Variants in GNAO1 observed in about 807,000 individuals in gnomAD.
GNAO1 encodes the protein G protein subunit alpha o1, also known as guanine nucleotide-binding protein G(o) subunit alpha.
For missense variants in GNAO1, 166 were observed against 478.7 expected (o/e 0.35, Z 6.10); for synonymous variants, 164 against 180.7 (o/e 0.91, Z 0.74).
chr16:56,347,959 C>G (rs1239634393), intron 6 of GNAO1: 10 of 972,182 alleles, frequency 1.0e-5, no homozygotes, highest in African/African-American at 3.5e-5. Flanking sequence ...CACGCACCCC[C>G]CTCCCCCATC....
Position 56,273,915 on chromosome 16 carries a change from C to T in GNAO1, c.162-2016C>T, listed in dbSNP as rs568468374. Among the ~76,000 whole-genome samples, 11 of 152,288 alleles carry T rather than the reference C, an allele frequency of 7.2e-5. No homozygotes were observed. In the South Asian group the frequency reaches 2.3e-3, roughly 32 times the overall value. On this transcript the variant is annotated intron_variant, in intron 2 of 8. Transcript: ENST00000262493. ...ACTGATAAGCTCCCTGATGCTTGTT[C>T]TTTCTTTAGTAATTGTTCCTTGACC...
At chr16:56,341,267 G>T (rs1185662620) in intron 6 of GNAO1, among the ~76,000 whole-genome samples, 1 of 152,206 alleles carries the variant, frequency 6.6e-6, no homozygotes, top group East Asian at 1.9e-4. Flanking sequence ...GCGCACAGGG[G>T]CTCTCTGTGA....
At chr16:56,229,648 G>GATGA (rs1172954590) in intron 2 of GNAO1, among the ~76,000 whole-genome samples, 1 of 148,750 alleles carries the variant, frequency 6.7e-6, no homozygotes, top group South Asian at 2.1e-4. Flanking sequence ...TGGATGGATG[G>GATGA]ATGAATAAAT....
intron 2 of GNAO1, among the ~76,000 whole-genome samples, chr16:56,229,100 G>A (rs1004035508): frequency 6.6e-6 from 1 of 152,184 alleles, no homozygotes; most frequent in Admixed American, 6.5e-5. Context: ...GAGGAGAAAT[G>A]AAAAAGACTT....
intron 3 of GNAO1, among the ~76,000 whole-genome samples, chr16:56,287,600 G>A (rs2037186107): frequency 6.6e-6 from 1 of 152,214 alleles, no homozygotes; most frequent in Admixed American, 6.5e-5. Flanking sequence ...TTAGTGAAGG[G>A]CCAGGACAGG....
chr16:56,351,275 C>T lies in GNAO1; in HGVS notation c.724-109C>T, dbSNP rs1190683418. The stretch of plus-strand genomic sequence containing the variant: ...ATCTGGCAGCCTCTCGGAGGAGCTG[C>T]CGAGTAGCCCAGTCCCTCTCTGTCA... On this transcript the variant is annotated intron_variant, in intron 6 of 8. Transcript: ENST00000262493. This position sits in a 1 kb window ranked among gnomAD's most constrained non-coding sequence, Gnocchi z 6.1. 1.4e-6 allele frequency: 1 copy of T among 713,274 alleles called. No homozygotes were observed. Among genetic ancestry groups the T allele is most frequent in the Non-Finnish European group, 2.4e-6 (1 of 422,462 alleles). 44.2% of individuals were successfully genotyped at this position (713,274 alleles called of 1,614,324 possible). A position where few individuals can be genotyped will look rare whatever the true frequency, so the allele number is the denominator to read the frequency against.
At chr16:56,266,089 A>G (rs899241) in intron 2 of GNAO1, among the ~76,000 whole-genome samples, 69,230 of 151,840 alleles carry the variant, frequency 0.46, 15,934 homozygotes, top group East Asian at 0.59. Context: ...TTCCCCACTA[A>G]CTACTAGTTT....
At chr16:56,319,179 T>C (rs1274872373) in intron 3 of GNAO1, among the ~76,000 whole-genome samples, 1 of 152,194 alleles carries the variant, frequency 6.6e-6, no homozygotes, top group Non-Finnish European at 1.5e-5. Flanking sequence ...GTGTTAAAAG[T>C]GCAGTTTACC....
intron 2 of GNAO1, chr16:56,192,840 A>G: frequency 1.8e-6 from 1 of 562,290 alleles, no homozygotes; most frequent in Non-Finnish European, 3.2e-6. Flanking sequence ...GGGAGGGGGA[A>G]GGGGAGCGCC....
chr16:56,338,796 C>T (rs1252284106), intron 6 of GNAO1, among the ~76,000 whole-genome samples: 1 of 152,004 alleles, frequency 6.6e-6, no homozygotes, highest in Non-Finnish European at 1.5e-5. Flanking sequence ...CCATGGGTCC[C>T]CAGTGAGCAT....
intron 2 of GNAO1, among the ~76,000 whole-genome samples, chr16:56,222,553 C>T (rs2036500109): frequency 6.6e-6 from 1 of 152,304 alleles, no homozygotes; most frequent in South Asian, 2.1e-4. Context: ...CTCTTCAGAA[C>T]AAAAGCATAC....
intron 2 of GNAO1, among the ~76,000 whole-genome samples, chr16:56,213,814 G>A (rs2036414053): frequency 6.6e-6 from 1 of 151,018 alleles, no homozygotes; most frequent in South Asian, 2.1e-4. Context: ...CCACAAGGAG[G>A]TTTATATGTC....
chr16:56,222,599 C>A (rs1456870349), intron 2 of GNAO1, among the ~76,000 whole-genome samples: 5 of 152,184 alleles, frequency 3.3e-5, no homozygotes, highest in Non-Finnish European at 5.9e-5. Context: ...ACCCCTCAAG[C>A]ATGCTCACTA....
At chr16:56,231,323 T>A (rs571983905) in intron 2 of GNAO1, among the ~76,000 whole-genome samples, 1 of 152,202 alleles carries the variant, frequency 6.6e-6, no homozygotes, top group Non-Finnish European at 1.5e-5. Flanking sequence ...TGCCCATATG[T>A]CACCTCTTCC....
chr16:56,203,353 C>G (rs1055598032), intron 2 of GNAO1, among the ~76,000 whole-genome samples: 1 of 152,030 alleles, frequency 6.6e-6, no homozygotes, highest in African/African-American at 2.4e-5. Context: ...TCAAGTGAGG[C>G]CAATCATCAT....
intron 2 of GNAO1, among the ~76,000 whole-genome samples, chr16:56,200,371 T>G (rs1323379019): frequency 6.6e-6 from 1 of 152,222 alleles, no homozygotes; most frequent in East Asian, 1.9e-4. Context: ...GAATGAACCT[T>G]ATTATTCTCC....
chr16:56,326,005 C>A lies in GNAO1; in HGVS notation c.304-2626C>A, dbSNP rs531150887. On this transcript the variant is annotated intron_variant, in intron 3 of 8. Transcript: ENST00000262493. The surrounding 1 kb of genome is among the most constrained non-coding windows in gnomAD (Gnocchi z 4.8). ...TGGTCACATGCTCACCAGCCACCTCCTCCACTCATCGACCCTCTTCCTTGC... is the reference window on the plus strand; with the variant it reads ...TGGTCACATGCTCACCAGCCACCTCATCCACTCATCGACCCTCTTCCTTGC... Among the ~76,000 whole-genome samples, 1 of 152,182 alleles carries A rather than the reference C, an allele frequency of 6.6e-6. No individual in the cohort carries two copies. The highest frequency in any genetic ancestry group is 6.5e-5 in the Admixed American group (1 of 15,288).
At chr16:56,268,852 G>T (rs2036984511) in intron 2 of GNAO1, among the ~76,000 whole-genome samples, 1 of 152,164 alleles carries the variant, frequency 6.6e-6, no homozygotes, top group South Asian at 2.1e-4. Flanking sequence ...CGTAGGTTCT[G>T]TGGAGCCCCC....
At chr16:56,248,969 T>G (rs1408517597) in intron 2 of GNAO1, among the ~76,000 whole-genome samples, 1 of 152,150 alleles carries the variant, frequency 6.6e-6, no homozygotes, top group Non-Finnish European at 1.5e-5. Context: ...CTGCTGAAGT[T>G]TCTCAGGAGA....
Sources: allele counts gnomAD v4.1 joint callset (sites outside exome capture counted in the v4.1 genomes callset), GRCh38; gene constraint gnomAD v4.1.1; non-coding constraint Gnocchi (gnomAD v3.1); transcripts MANE v1.5; gene names NCBI Gene and HGNC (gene_info 2026-07-23, HGNC 2026-07-21).